AGBL1: variants seen among roughly 807,000 people sequenced by gnomAD.
AGBL1 encodes cytosolic carboxypeptidase 4.
A neutral mutation model predicts 118.9 loss-of-function variants in AGBL1; 130 were observed. That is an observed-to-expected ratio of 1.09 (90% CI 0.95 to 1.26). The LOEUF (loss-of-function observed/expected upper bound fraction) is 1.26, where lower values mean the gene tolerates loss of function less well. Among genes scored for constraint, AGBL1 ranks in the 50% most tolerant of loss-of-function variants. AGBL1 has a pLI of 0.00. For synonymous variants in AGBL1, 555 were observed against 478.9 expected (o/e 1.16, Z -2.08); for missense variants, 1,584 against 1,298.1 (o/e 1.22, Z -3.38).
rs538147727 is a variant in AGBL1 at position 86,544,367 on chromosome 15, A to G, written c.2686-1635A>G. Among the ~76,000 whole-genome samples, 283 of 152,306 alleles carry G rather than the reference A, an allele frequency of 1.9e-3. 1 individual carries two copies. Among genetic ancestry groups the G allele is most frequent in the African/African-American group, 6.5e-3 (272 of 41,558 alleles). ...GAACAGCAAGACAGCAAACCCCTTA[A>G]TATGCCTCAGCTTGCATCATATTTG... On this transcript the variant is annotated intron_variant, in intron 19 of 22. Coordinates refer to ENST00000614907, the MANE Select transcript of AGBL1 (RefSeq NM_001386094.1).
chr15:86,266,551 C>T (rs751343864), intron 12 of AGBL1, 94 bp downstream of exon 12: 31 of 841,902 alleles, frequency 3.7e-5, no homozygotes, highest in Non-Finnish European at 5.6e-5. Context: ...ATCCACTCCT[C>T]CTCCTAAAAC....
chr15:86,924,393 C>T (rs767751901), intron 23 of AGBL1, among the ~76,000 whole-genome samples: 1 of 152,206 alleles, frequency 6.6e-6, no homozygotes, highest in African/African-American at 2.4e-5. Flanking sequence ...GATGCCCAGA[C>T]CTCATTGATT....
At chr15:86,823,282 G>A (rs549490380) in intron 22 of AGBL1, among the ~76,000 whole-genome samples, 32 of 152,046 alleles carry the variant, frequency 2.1e-4, no homozygotes, top group Non-Finnish European at 1.6e-4. Context: ...TGGGACATAC[G>A]ACCTGAGATA....
intron 5 of AGBL1, among the ~76,000 whole-genome samples, chr15:86,216,955 C>T (rs1442561601): frequency 1.3e-5 from 2 of 152,184 alleles, no homozygotes; most frequent in East Asian, 3.9e-4. Context: ...CCCCTCAGCT[C>T]AGCAGATGCT....
intron 18 of AGBL1, among the ~76,000 whole-genome samples, chr15:86,512,098 C>A (rs776117268): frequency 6.6e-6 from 1 of 151,938 alleles, no homozygotes. Context: ...TCCAGCTACT[C>A]TTTCAGGCTC....
At chr15:86,494,692 A>G (rs570973910) in intron 18 of AGBL1, among the ~76,000 whole-genome samples, 35 of 152,230 alleles carry the variant, frequency 2.3e-4, no homozygotes, top group African/African-American at 7.9e-4. Flanking sequence ...TTCAGTTAGT[A>G]CTTTTATTTA....
chr15:86,655,345 C>T lies in AGBL1; in HGVS notation c.2995-18928C>T, dbSNP rs1231833788. On this transcript the variant is annotated intron_variant, in intron 21 of 22. Transcript: ENST00000614907. ...AATAGAAACTGAACTAGCCAATTGA[C>T]TCCGGCTTCTATTTAACTACCAATA... is the stretch of plus-strand genomic sequence containing the variant. 3.3e-5 allele frequency among the ~76,000 whole-genome samples: 5 copies of T among 152,144 alleles called. No individual in the cohort carries two copies. In the East Asian group the frequency reaches 5.8e-4, roughly 18 times the overall value.
At chr15:86,644,177 A>G (rs2085239135) in intron 21 of AGBL1, among the ~76,000 whole-genome samples, 1 of 152,216 alleles carries the variant, frequency 6.6e-6, no homozygotes, top group African/African-American at 2.4e-5. Context: ...TTGTGAAAGT[A>G]GGGAATTAAA....
At chr15:86,154,608 C>T in intron 4 of AGBL1, 47 bp downstream of exon 4, 1 of 1,565,876 alleles carries the variant, frequency 6.4e-7, no homozygotes, top group South Asian at 1.2e-5. Flanking sequence ...CAAACCTGGG[C>T]TGGGACACAT....
chr15:86,527,439 G>A (rs1482985384), intron 19 of AGBL1, among the ~76,000 whole-genome samples: 1 of 152,322 alleles, frequency 6.6e-6, no homozygotes. Flanking sequence ...AGAGGTGGGT[G>A]AGAAACAGCT....
intron 22 of AGBL1, among the ~76,000 whole-genome samples, chr15:86,763,672 T>C (rs1478947971): frequency 6.6e-6 from 1 of 152,006 alleles, no homozygotes; most frequent in African/African-American, 2.4e-5. Context: ...TTGTCAATCA[T>C]AGGAAATGGG....
rs149946681 is a variant in AGBL1 at position 86,133,827 on chromosome 15, T to G, written c.52-8177T>G. Reference sequence around the variant, plus strand: ...AAGATACTCCAGTCAGAAAATAGTATATGCCATTTATTTTTTTATTTTGTT... The same window carrying G: ...AAGATACTCCAGTCAGAAAATAGTAGATGCCATTTATTTTTTTATTTTGTT... On this transcript the variant is annotated intron_variant, in intron 1 of 22. Transcript: ENST00000614907. Among the ~76,000 whole-genome samples, 364 of 152,328 alleles carry G rather than the reference T, an allele frequency of 2.4e-3. 1 individual carries two copies. The highest frequency in any genetic ancestry group is 8.5e-3 in the African/African-American group (353 of 41,578).
intron 22 of AGBL1, among the ~76,000 whole-genome samples, chr15:86,741,787 T>G (rs1482617686): frequency 3.3e-5 from 5 of 152,102 alleles, no homozygotes; most frequent in Non-Finnish European, 5.9e-5. Flanking sequence ...TTTTTTAACC[T>G]CTCCTTGTTT....
intron 19 of AGBL1, among the ~76,000 whole-genome samples, chr15:86,527,102 C>G (rs761478646): frequency 3.3e-5 from 5 of 152,222 alleles, no homozygotes; most frequent in Non-Finnish European, 5.9e-5. Context: ...TCTCTGCAGT[C>G]TACCCTCTGG....
chr15:87,012,336 T>C (rs1392875051), intron 24 of AGBL1, among the ~76,000 whole-genome samples: 1 of 151,892 alleles, frequency 6.6e-6, no homozygotes, highest in Admixed American at 6.6e-5. Flanking sequence ...TCCATATTTT[T>C]GGGGGGGTAC....
At chr15:86,668,724 A>G (rs1004910993) in intron 21 of AGBL1, among the ~76,000 whole-genome samples, 6 of 152,188 alleles carry the variant, frequency 3.9e-5, no homozygotes, top group Admixed American at 2.6e-4. Context: ...ACAGAGGCCC[A>G]TGCAAGGTTT....
chr15:86,713,731 C>T (rs978823431), intron 22 of AGBL1, among the ~76,000 whole-genome samples: 42 of 151,994 alleles, frequency 2.8e-4, no homozygotes, highest in Admixed American at 2.7e-3. Context: ...CTCACCAGGA[C>T]GTGCCTTGGG....
chr15:86,280,228 T>C (rs1326494256), intron 16 of AGBL1, among the ~76,000 whole-genome samples: 2 of 151,908 alleles, frequency 1.3e-5, no homozygotes, highest in Non-Finnish European at 1.5e-5. Flanking sequence ...TGAGTCTGTG[T>C]GCAAGTAGCC....
At chr15:86,267,863 G>A (rs1164792322) in intron 13 of AGBL1, among the ~76,000 whole-genome samples, 3 of 152,166 alleles carry the variant, frequency 2.0e-5, no homozygotes, top group Non-Finnish European at 4.4e-5. Flanking sequence ...ACAGATAATG[G>A]TGTGGTGGCC....
Sources: allele counts gnomAD v4.1 joint callset (sites outside exome capture counted in the v4.1 genomes callset), GRCh38; gene constraint gnomAD v4.1.1; transcripts MANE v1.5; gene names NCBI Gene and HGNC (gene_info 2026-07-23, HGNC 2026-07-21).